The following ANK3 variants were observed in gnomAD, a reference collection of about 807,000 sequenced individuals.
ANK3 encodes ankyrin 3, also known as ankyrin-3.
ANK3 carries 57 observed loss-of-function variants against 370.9 expected under a neutral mutation model. The observed-to-expected ratio is 0.15, with a 90% CI of 0.12 to 0.19. ANK3 has a LOEUF of 0.19. Ranked by LOEUF, ANK3 falls within the 10% of genes least tolerant of loss-of-function variation. The pLI, the probability that ANK3 is intolerant of heterozygous loss-of-function variation, is 1.00. For missense variants in ANK3, 4,439 were observed against 5,302.1 expected, an observed-to-expected ratio of 0.84 and a Z score of 5.06; for synonymous variants, 1,929 against 1,946.3, an observed-to-expected ratio of 0.99 and a Z score of 0.23.
At chr10:60,168,430 G>T (rs907282849) in intron 21 of ANK3, among the ~76,000 whole-genome samples, 2 of 152,058 alleles carry the variant, frequency 1.3e-5, no homozygotes, top group African/African-American at 4.8e-5. Flanking sequence ...TTTAGTTTCT[G>T]CTTAATGGCC....
At chr10:60,622,615 C>G (rs2133331013) in intron 1 of ANK3, among the ~76,000 whole-genome samples, 1 of 152,248 alleles carries the variant, frequency 6.6e-6, no homozygotes, top group Admixed American at 6.5e-5. Context: ...ACCACTGTAT[C>G]TCTTGTACCT....
intron 2 of ANK3, among the ~76,000 whole-genome samples, chr10:60,476,623 T>C (rs375496905): frequency 9.6e-4 from 146 of 152,292 alleles, no homozygotes; most frequent in African/African-American, 3.3e-3. Flanking sequence ...TTCCAAAATG[T>C]AGCTTTACTC....
At chr10:60,503,132 C>T (rs144911853) in intron 2 of ANK3, among the ~76,000 whole-genome samples, 34 of 152,290 alleles carry the variant, frequency 2.2e-4, no homozygotes, top group Admixed American at 3.9e-4. Flanking sequence ...TGTTGACATG[C>T]TGCTCTTTAA....
intron 2 of ANK3, among the ~76,000 whole-genome samples, chr10:60,402,196 T>C (rs750753932): frequency 5.3e-4 from 80 of 152,338 alleles, no homozygotes; most frequent in Non-Finnish European, 1.0e-3. Context: ...TTATGGATCA[T>C]AGAGCAGTAA....
At chr10:60,157,333 G>T (rs2095362756) in intron 23 of ANK3, among the ~76,000 whole-genome samples, 1 of 137,838 alleles carries the variant, frequency 7.3e-6, no homozygotes, top group African/African-American at 2.9e-5. Context: ...CACTGTGCCC[G>T]GCTTTTTTTT....
At chr10:60,597,781 T>C (rs527243881) in intron 2 of ANK3, among the ~76,000 whole-genome samples, 9 of 152,144 alleles carry the variant, frequency 5.9e-5, no homozygotes, top group Non-Finnish European at 1.2e-4. Context: ...TCAAGGAGAA[T>C]AAAATCTCCT....
In ANK3 at chr10:60,075,503, C is replaced by T. The variant is rs1348666842; in HGVS notation, c.5378G>A (p.Arg1793Lys). ...SAAPSAFQSL[R>K]TPSASALYTS... The stretch of plus-strand genomic sequence containing the variant: ...ATAGAGTGCACTTGCGGAAGGAGTT[C>T]TTAGAGACTGAAAAGCTGATGGTGC... Residue 1793 changes from arginine (R) to lysine (K), a missense_variant, in exon 37 of 44, where the codon AGA (arginine) becomes AAA (lysine). Coordinates refer to ENST00000280772, the MANE Select transcript of ANK3 (RefSeq NM_020987.5). 1 of 1,613,420 alleles carries T rather than the reference C, an allele frequency of 6.2e-7. No homozygotes were observed. The highest frequency in any genetic ancestry group is 2.2e-5 in the East Asian group (1 of 44,880).
chr10:60,088,389 A>T, intron 28 of ANK3, 31 bp from the exon 29 acceptor site: 1 of 1,579,752 alleles, frequency 6.3e-7, no homozygotes. Context: ...AAATGCCATG[A>T]GAATAAGCAT....
intron 2 of ANK3, among the ~76,000 whole-genome samples, chr10:60,417,059 T>C (rs936499204): frequency 2.0e-5 from 3 of 152,146 alleles, no homozygotes; most frequent in Non-Finnish European, 4.4e-5. Flanking sequence ...CTAGGAAAGA[T>C]ATCCAGATGA....
chr10:60,579,135 G>C (rs1044936492), intron 2 of ANK3, among the ~76,000 whole-genome samples: 1 of 151,760 alleles, frequency 6.6e-6, no homozygotes, highest in African/African-American at 2.4e-5. Context: ...GACCATCTTG[G>C]CCAACATGGT....
chr10:60,643,538 A>ATCTG (rs1168386241), intron 1 of ANK3, among the ~76,000 whole-genome samples: 1 of 151,368 alleles, frequency 6.6e-6, no homozygotes, highest in Admixed American at 6.6e-5. Flanking sequence ...CTATCTATCT[A>ATCTG]TCTATCCATC....
chr10:60,033,180 T>C (rs2074083500), intron 43 of ANK3, among the ~76,000 whole-genome samples: 1 of 152,150 alleles, frequency 6.6e-6, no homozygotes, highest in Non-Finnish European at 1.5e-5. Flanking sequence ...GCCATTTCAC[T>C]GTATTTTTAA....
intron 38 of ANK3, among the ~76,000 whole-genome samples, chr10:60,065,836 G>A (rs1407525439): frequency 1.3e-5 from 2 of 152,108 alleles, no homozygotes; most frequent in Non-Finnish European, 2.9e-5. Context: ...TCTCATTGAA[G>A]CATTGTGAAC....
chr10:60,085,469 A>G (rs192550045), intron 30 of ANK3, among the ~76,000 whole-genome samples: 5 of 150,402 alleles, frequency 3.3e-5, no homozygotes, highest in Admixed American at 2.6e-4. Context: ...ATATTAAATT[A>G]AAAAAAAATT....
intron 2 of ANK3, among the ~76,000 whole-genome samples, chr10:60,546,418 A>AT (rs1185668469): frequency 1.3e-5 from 2 of 152,118 alleles, no homozygotes; most frequent in Non-Finnish European, 2.9e-5. Context: ...TCTTTATTCC[A>AT]TTTTTATCCT....
intron 1 of ANK3, among the ~76,000 whole-genome samples, chr10:60,631,155 G>A (rs2078478324): frequency 6.6e-6 from 1 of 152,136 alleles, no homozygotes; most frequent in Non-Finnish European, 1.5e-5. Context: ...GGTGGACTGT[G>A]CCAGGTAATC....
At chr10:60,647,715 C>T (rs1259110476) in intron 1 of ANK3, among the ~76,000 whole-genome samples, 6 of 151,880 alleles carry the variant, frequency 4.0e-5, no homozygotes, top group African/African-American at 7.3e-5. Context: ...ATCAGTTGCA[C>T]AAGGAACAAG....
At chr10:60,207,354 T>A (rs1177958558) in intron 10 of ANK3, among the ~76,000 whole-genome samples, 2 of 152,234 alleles carry the variant, frequency 1.3e-5, no homozygotes, top group African/African-American at 2.4e-5. Context: ...AAATTGCTAG[T>A]AAACTCACAT....
chr10:60,210,403 G>C (rs2096835106), intron 9 of ANK3, among the ~76,000 whole-genome samples: 1 of 152,036 alleles, frequency 6.6e-6, no homozygotes, highest in Admixed American at 6.6e-5. Context: ...CAGAGATCTG[G>C]AACAAGCTGA....
Sources: allele counts gnomAD v4.1 joint callset (sites outside exome capture counted in the v4.1 genomes callset), GRCh38; gene constraint gnomAD v4.1.1; transcripts MANE v1.5; gene names NCBI Gene and HGNC (gene_info 2026-07-23, HGNC 2026-07-21).